Variants in TMEM74 observed in about 807,000 individuals in gnomAD.
TMEM74 encodes transmembrane protein 74.
A neutral mutation model predicts 18.1 loss-of-function variants in TMEM74; 13 were observed. The observed-to-expected ratio is 0.72, with a 90% CI of 0.47 to 1.14. The LOEUF is 1.14. Among genes scored for constraint, TMEM74 ranks in the 50% most tolerant of loss-of-function variants. TMEM74 has a pLI of 0.00. For synonymous variants in TMEM74, 159 were observed against 146.6 expected (o/e 1.08, Z -0.61); for missense variants, 372 against 375.9 (o/e 0.99, Z 0.09).
chr8:108,628,260 C>A (rs1466927305), intron 2 of TMEM74, among the ~76,000 whole-genome samples: 2 of 151,866 alleles, frequency 1.3e-5, no homozygotes, highest in Non-Finnish European at 2.9e-5. Context: ...AATTTATCAC[C>A]TTTTTGAATG....
chr8:108,652,502 G>C (rs1162202248), intron 2 of TMEM74: 1 of 427,324 alleles, frequency 2.3e-6, no homozygotes, highest in Non-Finnish European at 4.4e-6. Flanking sequence ...TGCCAGGAGG[G>C]AGAGACCCTG....
At chr8:108,721,994 G>T (rs1563535264) in intron 1 of TMEM74, among the ~76,000 whole-genome samples, 1 of 152,084 alleles carries the variant, frequency 6.6e-6, no homozygotes, top group Non-Finnish European at 1.5e-5. Flanking sequence ...GTTGTTTTAT[G>T]GGTCATGATT....
downstream of TMEM74, among the ~76,000 whole-genome samples, chr8:108,778,009 G>T (rs1814251839): frequency 6.6e-6 from 1 of 151,974 alleles, no homozygotes; most frequent in Non-Finnish European, 1.5e-5. Context: ...ATTTAATAAA[G>T]ATCTACTAAA....
chr8:108,776,233 C>G (rs1814232428), downstream of TMEM74, among the ~76,000 whole-genome samples: 1 of 152,210 alleles, frequency 6.6e-6, no homozygotes, highest in South Asian at 2.1e-4. Context: ...TGGCTCACAC[C>G]TGTAATCCCA....
At chr8:108,720,190 A>AT (rs1813571915) in intron 1 of TMEM74, among the ~76,000 whole-genome samples, 1 of 152,030 alleles carries the variant, frequency 6.6e-6, no homozygotes, top group Admixed American at 6.6e-5. Context: ...AATTTTGTAA[A>AT]AAAAAAAAGT....
At chr8:108,662,033 C>T (rs1812904892) in intron 1 of TMEM74, among the ~76,000 whole-genome samples, 1 of 152,014 alleles carries the variant, frequency 6.6e-6, no homozygotes, top group Admixed American at 6.6e-5. Flanking sequence ...CTTCTTTTTA[C>T]AGTGGGGTGA....
At chr8:108,669,403 C>T (rs1812980871) in intron 1 of TMEM74, among the ~76,000 whole-genome samples, 1 of 152,038 alleles carries the variant, frequency 6.6e-6, no homozygotes, top group Non-Finnish European at 1.5e-5. Context: ...TCATTTAAAA[C>T]ATTTACTGAG....
chr8:108,741,271 G>A (rs997850896), intron 1 of TMEM74, among the ~76,000 whole-genome samples: 4 of 152,156 alleles, frequency 2.6e-5, no homozygotes, highest in African/African-American at 4.8e-5. Context: ...GCATGAACAC[G>A]TAGGTGATTT....
intron 1 of TMEM74, among the ~76,000 whole-genome samples, chr8:108,664,676 C>T (rs774992441): frequency 3.3e-5 from 5 of 151,992 alleles, no homozygotes; most frequent in African/African-American, 4.8e-5. Flanking sequence ...CCTTGCTTTT[C>T]TAATTCACCA....
At chr8:108,631,766 T>A (rs1269509615) in intron 2 of TMEM74, among the ~76,000 whole-genome samples, 1 of 152,002 alleles carries the variant, frequency 6.6e-6, no homozygotes, top group Non-Finnish European at 1.5e-5. Flanking sequence ...TGGTGCCCCT[T>A]CTTTTCCTTA....
intron 1 of TMEM74, among the ~76,000 whole-genome samples, chr8:108,699,144 TTTTCCTTCCTTCCTTC>T (rs1190914847): frequency 5.7e-5 from 2 of 35,172 alleles, no homozygotes; most frequent in Non-Finnish European, 9.7e-5. Context: ...CCCCTCCCTC[TTTTCCTTCCTTCCTTC>T]CTTCCTTCCT....
intron 1 of TMEM74, among the ~76,000 whole-genome samples, chr8:108,754,451 A>G (rs999163712): frequency 2.0e-5 from 3 of 151,996 alleles, no homozygotes; most frequent in Admixed American, 6.6e-5. Context: ...AGTGGGCAGA[A>G]GCTATGACTT....
intron 2 of TMEM74, among the ~76,000 whole-genome samples, chr8:108,614,641 A>G (rs899512160): frequency 3.7e-4 from 57 of 152,190 alleles, no homozygotes; most frequent in African/African-American, 1.4e-3. Flanking sequence ...CTGATAATAG[A>G]TGAGTTGTGT....
chr8:108,611,454 T>A (rs909185202), intron 2 of TMEM74, among the ~76,000 whole-genome samples: 7 of 152,212 alleles, frequency 4.6e-5, no homozygotes, highest in African/African-American at 1.7e-4. Context: ...AAGTAAATTA[T>A]AGTTAGTATT....
chr8:108,706,135 ATCTT>A (rs1452512756), intron 1 of TMEM74, among the ~76,000 whole-genome samples: 2 of 152,226 alleles, frequency 1.3e-5, no homozygotes, highest in Non-Finnish European at 2.9e-5. Flanking sequence ...GCACAGTCTC[ATCTT>A]TCTTTTGCAT....
chr8:108,714,848 AC>A (rs1175036825), intron 1 of TMEM74, among the ~76,000 whole-genome samples: 3 of 152,220 alleles, frequency 2.0e-5, no homozygotes, highest in African/African-American at 7.2e-5. Flanking sequence ...TGCAGCCTTA[AC>A]AAAGATCAAA....
intron 3 of TMEM74, among the ~76,000 whole-genome samples, chr8:108,607,942 T>G (rs1310496310): frequency 1.3e-5 from 2 of 152,184 alleles, no homozygotes; most frequent in African/African-American, 4.8e-5. Context: ...TGTGTATGTG[T>G]GCACATGTGT....
intron 1 of TMEM74, among the ~76,000 whole-genome samples, chr8:108,756,432 C>T (rs1178855757): frequency 6.6e-6 from 1 of 151,248 alleles, no homozygotes; most frequent in African/African-American, 2.4e-5. Context: ...GTTAACACCA[C>T]TGTCTCTTAC....
chr8:108,678,967 A>G (rs1813085040), intron 1 of TMEM74, among the ~76,000 whole-genome samples: 2 of 134,132 alleles, frequency 1.5e-5, no homozygotes, highest in African/African-American at 5.7e-5. Flanking sequence ...CTCATTGTTC[A>G]ATTCCCACCT....
Sources: gnomAD v4.1 joint callset for allele counts (sites outside exome capture counted in the v4.1 genomes callset) on GRCh38, gnomAD v4.1.1 for gene constraint, MANE v1.5 for transcripts, NCBI Gene and HGNC (gene_info 2026-07-23, HGNC 2026-07-21) for gene names.